EPDR1: variants seen among roughly 807,000 people sequenced by gnomAD.
The protein encoded by EPDR1 is ependymin related 1.
Under a neutral mutation model 23.7 loss-of-function variants are expected in EPDR1, and 27 were observed. The ratio of observed to expected loss-of-function variants is 1.14; its 90% CI spans 0.84 to 1.57. The LOEUF (loss-of-function observed/expected upper bound fraction) is 1.57, where lower values mean the gene tolerates loss of function less well. Among genes scored for constraint, EPDR1 ranks in the 40% most tolerant of loss-of-function variants. EPDR1 has a pLI of 0.00. For synonymous variants in EPDR1, 137 were observed against 118.2 expected (o/e 1.16, Z -1.03); for missense variants, 349 against 290.4 (o/e 1.20, Z -1.47).
At position 37,950,705 on chromosome 7, in the gene EPDR1, T is replaced by C. The variant is rs949657110; in HGVS notation, c.*309T>C. The C allele has an allele frequency of 3.8e-6, 1 of 265,940 alleles. No homozygotes were observed. The highest frequency in any genetic ancestry group is 6.9e-5 in the East Asian group (1 of 14,498). 16.5% of individuals were successfully genotyped at this position (265,940 alleles called of 1,614,324 possible). ...CGGGTATACACATAATGCAGTGCCA[T>C]GCACATAGGGAAGGGTCAGTAAGAG... is the stretch of plus-strand genomic sequence containing the variant. On this transcript the variant is annotated 3_prime_UTR_variant, in exon 3 of 3. Transcript: ENST00000199448.
chr7:37,925,065 C>T (rs1234928522), intron 1 of EPDR1, among the ~76,000 whole-genome samples: 2 of 152,200 alleles, frequency 1.3e-5, no homozygotes, highest in African/African-American at 2.4e-5. Flanking sequence ...TAAGACAAGC[C>T]TGAGCAGCAA....
rs1223526294 is a variant in EPDR1 at position 37,950,349 on chromosome 7, T to A, written c.628T>A (p.Cys210Ser). The change falls in exon 3 of 3, where the codon TGC (cysteine) becomes AGC (serine). Residue 210 changes from cysteine (C) to serine (S), a missense_variant. Physicochemically the swap from Cys to Ser is moderately radical, Grantham distance 112 (BLOSUM62 -1). Transcript: ENST00000199448. The part of the protein sequence containing the change: ...DPSVFTPPST[C>S]QMAQLEKMSE... ...CTCGGTGTTTACCCCTCCAAGCACG[T>A]GCCAGATGGCCCAACTGGAGAAGAT... 1 of 1,613,798 alleles carries A rather than the reference T, an allele frequency of 6.2e-7. No individual in the cohort carries two copies. Among genetic ancestry groups the A allele is most frequent in the Non-Finnish European group, 8.5e-7 (1 of 1,179,914 alleles).
At chr7:37,945,109 A>G (rs1562863529) in intron 1 of EPDR1, among the ~76,000 whole-genome samples, 1 of 152,332 alleles carries the variant, frequency 6.6e-6, no homozygotes, top group Non-Finnish European at 1.5e-5. Flanking sequence ...TTACAAATGA[A>G]CAATGCTCTA....
In EPDR1 at chr7:37,921,165, G is replaced by T. The variant is rs758176075; in HGVS notation, c.226G>T (p.Val76Leu). 7 of 1,594,476 alleles carry T rather than the reference G, an allele frequency of 4.4e-6. No individual in the cohort carries two copies. Among genetic ancestry groups the T allele is most frequent in the Non-Finnish European group, 5.9e-6 (7 of 1,178,272 alleles). Residue 76 changes from valine (V) to leucine (L), a missense_variant, in exon 1 of 3, where the codon GTG becomes TTG. Coordinates refer to ENST00000199448, the MANE Select transcript of EPDR1 (RefSeq NM_017549.5). ...LLSYDGLNQR[V>L]RVLDERKALI... ...CTCCTACGACGGGCTCAACCAGCGC[G>T]TGCGGGTGCTGGACGAGAGGAAGGC... is the stretch of plus-strand genomic sequence containing the variant.
At chr7:37,944,257 G>A (rs1047026550) in intron 1 of EPDR1, among the ~76,000 whole-genome samples, 5 of 152,140 alleles carry the variant, frequency 3.3e-5, no homozygotes, top group Admixed American at 1.3e-4. Flanking sequence ...TATTCCATTT[G>A]CGTTTTGGAA....
At chr7:37,938,812 A>G (rs973233704) in intron 1 of EPDR1, among the ~76,000 whole-genome samples, 4 of 152,134 alleles carry the variant, frequency 2.6e-5, no homozygotes, top group African/African-American at 9.7e-5. Flanking sequence ...GGCCGCCACA[A>G]TTGTTTCAGT....
intron 1 of EPDR1, among the ~76,000 whole-genome samples, chr7:37,936,779 T>C (rs1786062643): frequency 6.6e-6 from 1 of 152,122 alleles, no homozygotes; most frequent in South Asian, 2.1e-4. Flanking sequence ...GCAAACCTTG[T>C]ATAGGAAAAA....
intron 1 of EPDR1, among the ~76,000 whole-genome samples, chr7:37,943,133 G>A (rs1295663004): frequency 6.6e-6 from 1 of 152,222 alleles, no homozygotes; most frequent in East Asian, 1.9e-4. Context: ...TGCTTTGCTT[G>A]GTGCCTGGCC....
At chr7:37,923,420 G>C (rs1283108130) in intron 1 of EPDR1, among the ~76,000 whole-genome samples, 1 of 152,124 alleles carries the variant, frequency 6.6e-6, no homozygotes, top group African/African-American at 2.4e-5. Context: ...CCCCATTTTT[G>C]GCTTGTGAAG....
rs966674941 is a variant in EPDR1 at position 37,921,272 on chromosome 7, G to A, written c.269+64G>A. 20 of 1,514,720 alleles carry A rather than the reference G, an allele frequency of 1.3e-5. No individual in the cohort carries two copies. In the South Asian group the frequency reaches 2.6e-4, roughly 19 times the overall value. 93.8% of individuals were successfully genotyped at this position (1,514,720 alleles called of 1,614,324 possible). On this transcript the variant is annotated intron_variant, in intron 1 of 2. Coordinates refer to ENST00000199448, the MANE Select transcript of EPDR1 (RefSeq NM_017549.5). ...GCGCGGGCATGGGGAGGGCGAGGTC[G>A]CAGAGGCCTGCGCCCTGTAACTCTT...
chr7:37,938,485 T>C (rs1786104236), intron 1 of EPDR1, among the ~76,000 whole-genome samples: 1 of 152,166 alleles, frequency 6.6e-6, no homozygotes, highest in African/African-American at 2.4e-5. Flanking sequence ...CTGCTAAAGC[T>C]TTGGCTAACT....
chr7:37,931,971 G>A (rs1785950722), intron 1 of EPDR1, among the ~76,000 whole-genome samples: 1 of 152,114 alleles, frequency 6.6e-6, no homozygotes, highest in Non-Finnish European at 1.5e-5. Context: ...GCCTCCCAAA[G>A]TGCTGGGATT....
intron 1 of EPDR1, among the ~76,000 whole-genome samples, chr7:37,922,665 T>TTG (rs145894040): frequency 6.7e-6 from 1 of 150,054 alleles, no homozygotes; most frequent in South Asian, 2.1e-4. Context: ...TTGAGGAAGC[T>TTG]AGGGGGGGGT....
chr7:37,942,456 T>C (rs1583669718), intron 1 of EPDR1, among the ~76,000 whole-genome samples: 1 of 152,190 alleles, frequency 6.6e-6, no homozygotes, highest in Non-Finnish European at 1.5e-5. Flanking sequence ...AATGGGTTAT[T>C]ATTGTTTAAT....
intron 2 of EPDR1, 41 bp from the exon 3 acceptor site, chr7:37,950,159 C>A (rs1786367081): frequency 7.0e-7 from 1 of 1,437,530 alleles, no homozygotes; most frequent in Non-Finnish European, 9.6e-7. Context: ...AACTTCTTGC[C>A]TGTCTTCTTT....
At chr7:37,941,735 G>C (rs1410059721) in intron 1 of EPDR1, among the ~76,000 whole-genome samples, 2 of 152,164 alleles carry the variant, frequency 1.3e-5, no homozygotes, top group Non-Finnish European at 2.9e-5. Context: ...TATAATGCTT[G>C]AACTTTAATT....
chr7:37,947,353 G>C (rs1786297545), intron 1 of EPDR1, among the ~76,000 whole-genome samples: 1 of 152,194 alleles, frequency 6.6e-6, no homozygotes, highest in East Asian at 1.9e-4. Flanking sequence ...GTACCATCCA[G>C]ATTTGTGTAA....
intron 1 of EPDR1, among the ~76,000 whole-genome samples, chr7:37,943,433 C>T (rs550094047): frequency 3.5e-4 from 53 of 152,310 alleles, no homozygotes; most frequent in African/African-American, 1.2e-3. Context: ...GACCTTTGGT[C>T]CCTGTCAGGC....
In EPDR1 at chr7:37,950,246, C is replaced by G; in HGVS notation, c.525C>G (p.Val175=). 1 of 1,614,046 alleles carries G rather than the reference C, an allele frequency of 6.2e-7. No individual in the cohort carries two copies. Among genetic ancestry groups the G allele is most frequent in the Non-Finnish European group, 8.5e-7 (1 of 1,179,980 alleles). The change falls in exon 3 of 3, where the codon GTC becomes GTG. Residue 175 remains valine (V), a synonymous_variant. Coordinates refer to ENST00000199448, the MANE Select transcript of EPDR1 (RefSeq NM_017549.5). ...GIYTVKDCYP[V]QETFTINYSV... ...ATACAGTCAAGGATTGCTATCCTGT[C>G]CAGGAAACCTTTACCATAAACTACA... is the stretch of plus-strand genomic sequence containing the variant.
Sources: gnomAD v4.1 joint callset for allele counts (sites outside exome capture counted in the v4.1 genomes callset) on GRCh38, gnomAD v4.1.1 for gene constraint, MANE v1.5 for transcripts, NCBI Gene and HGNC (gene_info 2026-07-23, HGNC 2026-07-21) for gene names.